The following RABGAP1L variants were observed in gnomAD, a reference collection of about 807,000 sequenced individuals.
The protein encoded by RABGAP1L is RAB GTPase activating protein 1 like.
RABGAP1L carries 63 observed loss-of-function variants against 137.7 expected under a neutral mutation model. That is an observed-to-expected ratio of 0.46 (90% CI 0.37 to 0.56). The LOEUF is 0.56. RABGAP1L is among the 20% of genes least tolerant of loss of function. The probability of loss-of-function intolerance (pLI) is 0.00; values close to 1 mark genes in which losing one functional copy is unlikely to be tolerated. For synonymous variants in RABGAP1L, 431 were observed against 433.7 expected (o/e 0.99, Z 0.08); for missense variants, 1,095 against 1,244.0 (o/e 0.88, Z 1.80).
intron 12 of RABGAP1L, among the ~76,000 whole-genome samples, chr1:174,390,305 G>T (rs1472983648): frequency 1.3e-5 from 2 of 151,708 alleles, no homozygotes; most frequent in East Asian, 3.9e-4. Flanking sequence ...CATTATGCCT[G>T]GCCAAACAAG....
chr1:174,756,934 C>T (rs1226381281), intron 18 of RABGAP1L: 3 of 865,572 alleles, frequency 3.5e-6, no homozygotes, highest in South Asian at 2.6e-5. Flanking sequence ...TGTCCCTCAG[C>T]CATTCTCAGA....
chr1:174,349,568 C>T (rs1487057384), intron 11 of RABGAP1L, among the ~76,000 whole-genome samples: 2 of 138,980 alleles, frequency 1.4e-5, no homozygotes, highest in Non-Finnish European at 3.2e-5. Flanking sequence ...GACGGGGCCA[C>T]TGGCCGGGCA....
intron 7 of RABGAP1L, among the ~76,000 whole-genome samples, chr1:174,254,860 G>T (rs1672988652): frequency 6.6e-6 from 1 of 152,144 alleles, no homozygotes; most frequent in South Asian, 2.1e-4. Flanking sequence ...CGCAGTAATG[G>T]GATTGCTGGG....
chr1:174,178,671 T>C (rs1666096085), intron 1 of RABGAP1L, among the ~76,000 whole-genome samples: 1 of 152,214 alleles, frequency 6.6e-6, no homozygotes, highest in African/African-American at 2.4e-5. Context: ...AATGAGTTCA[T>C]GCCCTTGGCA....
chr1:174,356,747 T>C (rs1449492431), intron 11 of RABGAP1L, among the ~76,000 whole-genome samples: 1 of 152,116 alleles, frequency 6.6e-6, no homozygotes, highest in African/African-American at 2.4e-5. Context: ...AATCAGTGGA[T>C]AATAAGAGAT....
At chr1:174,293,373 C>G (rs1483863037) in intron 10 of RABGAP1L, among the ~76,000 whole-genome samples, 1 of 152,152 alleles carries the variant, frequency 6.6e-6, no homozygotes, top group Non-Finnish European at 1.5e-5. Context: ...GAAGAGCACT[C>G]TGCTCATATG....
intron 14 of RABGAP1L, among the ~76,000 whole-genome samples, chr1:174,678,083 A>T (rs1226385273): frequency 6.6e-6 from 1 of 152,174 alleles, no homozygotes; most frequent in African/African-American, 2.4e-5. Flanking sequence ...ATATACAGAT[A>T]TTAAAAAGTC....
At chr1:174,876,649 TAAAAG>T (rs1014462718) in intron 19 of RABGAP1L, among the ~76,000 whole-genome samples, 1 of 152,154 alleles carries the variant, frequency 6.6e-6, no homozygotes, top group Admixed American at 6.5e-5. Context: ...TTTGAATAAT[TAAAAG>T]AAACCCCTAG....
intron 13 of RABGAP1L, among the ~76,000 whole-genome samples, chr1:174,491,030 G>A (rs942135872): frequency 1.3e-5 from 2 of 152,098 alleles, no homozygotes; most frequent in African/African-American, 2.4e-5. Context: ...GCCTGGAATC[G>A]GGGACCCCAA....
chr1:174,909,227 T>C (rs893903734), intron 19 of RABGAP1L, among the ~76,000 whole-genome samples: 1 of 151,932 alleles, frequency 6.6e-6, no homozygotes, highest in Non-Finnish European at 1.5e-5. Context: ...AAAAGGTTTT[T>C]TTTTGTTTGT....
intron 18 of RABGAP1L, chr1:174,799,789 GCAA>G (rs1351104735): frequency 3.1e-6 from 3 of 969,692 alleles, no homozygotes; most frequent in East Asian, 2.1e-4. Context: ...AGCAGCAGCA[GCAA>G]CAACAGCGCT....
intron 13 of RABGAP1L, among the ~76,000 whole-genome samples, chr1:174,606,560 A>C (rs965523689): frequency 1.3e-5 from 2 of 152,218 alleles, no homozygotes; most frequent in African/African-American, 4.8e-5. Context: ...GTGTTGACAA[A>C]GCAGACATTT....
chr1:174,796,290 C>T (rs577814977), intron 18 of RABGAP1L, among the ~76,000 whole-genome samples: 54 of 152,134 alleles, frequency 3.5e-4, no homozygotes, highest in African/African-American at 1.1e-3. Flanking sequence ...CACAGCAAGA[C>T]GCCATTTCAA....
At chr1:174,612,159 T>G (rs1400676146) in intron 13 of RABGAP1L, among the ~76,000 whole-genome samples, 1 of 152,210 alleles carries the variant, frequency 6.6e-6, no homozygotes, top group Non-Finnish European at 1.5e-5. Context: ...TGCTTCCAGT[T>G]TTTGCCCATT....
intron 13 of RABGAP1L, among the ~76,000 whole-genome samples, chr1:174,501,381 G>T (rs977118173): frequency 2.6e-5 from 4 of 151,960 alleles, no homozygotes; most frequent in Non-Finnish European, 5.9e-5. Context: ...CAGAGAGGGG[G>T]TTTCACCATG....
chr1:174,923,094 T>A (rs1051794499), intron 19 of RABGAP1L, among the ~76,000 whole-genome samples: 3 of 148,028 alleles, frequency 2.0e-5, no homozygotes, highest in Non-Finnish European at 4.4e-5. Flanking sequence ...GCTGCAGAAC[T>A]ACGGACACAT....
intron 19 of RABGAP1L, among the ~76,000 whole-genome samples, chr1:174,868,674 C>T (rs963581894): frequency 8.5e-5 from 13 of 152,220 alleles, no homozygotes; most frequent in African/African-American, 2.9e-4. Context: ...ATAACAAATG[C>T]TCTTTTTTCC....
At chr1:174,555,857 CAGTT>C (rs534816223) in intron 13 of RABGAP1L, among the ~76,000 whole-genome samples, 73 of 151,972 alleles carry the variant, frequency 4.8e-4, no homozygotes, top group African/African-American at 1.6e-3. Context: ...GTGACTATGT[CAGTT>C]TGTTTGGAGT....
At chr1:174,290,369 C>A (rs1173367304) in intron 10 of RABGAP1L, among the ~76,000 whole-genome samples, 2 of 152,226 alleles carry the variant, frequency 1.3e-5, no homozygotes, top group Non-Finnish European at 2.9e-5. Context: ...TCACCTTGTG[C>A]TGCTGGTGAA....
Sources: gnomAD v4.1 joint callset for allele counts (sites outside exome capture counted in the v4.1 genomes callset) on GRCh38, gnomAD v4.1.1 for gene constraint, MANE v1.5 for transcripts, NCBI Gene and HGNC (gene_info 2026-07-23, HGNC 2026-07-21) for gene names.